Variants in SIRT4 observed in about 807,000 individuals in gnomAD.
SIRT4 encodes sirtuin 4, also known as NAD-dependent protein lipoamidase sirtuin-4, mitochondrial.
A neutral mutation model predicts 26.1 loss-of-function variants in SIRT4; 23 were observed. The observed-to-expected ratio is 0.88, with a 90% CI of 0.63 to 1.25. The LOEUF (loss-of-function observed/expected upper bound fraction) is 1.25. Among genes scored for constraint, SIRT4 ranks in the 50% most tolerant of loss-of-function variants. The pLI is 0.00. For synonymous variants in SIRT4, 155 were observed against 158.4 expected (o/e 0.98, Z 0.16); for missense variants, 361 against 405.4 (o/e 0.89, Z 0.94).
chr12:120,294,591 G>A, the SIRT4 span, among the ~76,000 whole-genome samples: 123 of 152,192 alleles, frequency 8.1e-4, no homozygotes, highest in African/African-American at 2.8e-3. Flanking sequence ...TTTTGGCTCT[G>A]TCGCCCAGGC....
chr12:120,301,880 C>A (rs140691657), upstream of SIRT4, among the ~76,000 whole-genome samples: 2 of 152,104 alleles, frequency 1.3e-5, no homozygotes, highest in Admixed American at 1.3e-4. Flanking sequence ...TCAAGACGAG[C>A]CTGGCCAACA....
chr12:120,297,146 C>T, the SIRT4 span, among the ~76,000 whole-genome samples: 1 of 151,848 alleles, frequency 6.6e-6, no homozygotes, highest in African/African-American at 2.4e-5. Context: ...TCACTTGAAC[C>T]CGGTAGGCGG....
chr12:120,303,705 G>A lies in SIRT4; in HGVS notation c.144G>A (p.Gln48=), dbSNP rs903042992. 4.3e-6 allele frequency: 7 copies of A among 1,614,026 alleles called. No homozygotes were observed. The highest frequency in any genetic ancestry group is 4.0e-5 in the African/African-American group (3 of 74,902). The change falls in exon 2 of 4, where the codon CAG becomes CAA. Residue 48 remains glutamine, a synonymous_variant. Transcript: ENST00000202967. The part of the protein sequence containing the change: ...PLDPEKVKEL[Q]RFITLSKRLL... Reference sequence around the variant, plus strand: ...ACCCTGAGAAGGTCAAAGAGTTACAGCGCTTCATCACCCTTTCCAAGAGAC... The same window carrying A: ...ACCCTGAGAAGGTCAAAGAGTTACAACGCTTCATCACCCTTTCCAAGAGAC...
chr12:120,298,696 C>T (rs1872425713), upstream of SIRT4, among the ~76,000 whole-genome samples: 1 of 151,134 alleles, frequency 6.6e-6, no homozygotes, highest in Non-Finnish European at 1.5e-5. Flanking sequence ...ATCGCGAGGT[C>T]AGGAGTTCGA....
Position 120,312,942 on chromosome 12 carries a change from T to C in SIRT4, c.851T>C (p.Ile284Thr). 6.2e-7 allele frequency: 1 copy of C among 1,614,202 alleles called. No homozygotes were observed. Among genetic ancestry groups the C allele is most frequent in the Non-Finnish European group, 8.5e-7 (1 of 1,180,038 alleles). Reference sequence around the variant, plus strand: ...TGGGAGAAGAAGCTCCCGATTGCAATACTGAACATTGGGCCCACACGGTCG... The same window carrying C: ...TGGGAGAAGAAGCTCCCGATTGCAACACTGAACATTGGGCCCACACGGTCG... ...TAWEKKLPIA[I>T]LNIGPTRSDD... Residue 284 changes from isoleucine to threonine, a missense_variant, in exon 4 of 4, where the codon ATA (isoleucine) becomes ACA (threonine). By Grantham distance (89) the Ile-to-Thr change is moderately conservative (BLOSUM62 -1). Coordinates refer to ENST00000202967, the MANE Select transcript of SIRT4 (RefSeq NM_012240.3).
intron 2 of SIRT4, among the ~76,000 whole-genome samples, chr12:120,312,053 A>T (rs928575991): frequency 3.8e-4 from 57 of 151,864 alleles, no homozygotes; most frequent in African/African-American, 1.3e-3. Flanking sequence ...GAGGCCAAGG[A>T]GGGAGGATCA....
chr12:120,297,603 G>A (rs991720868), upstream of SIRT4, among the ~76,000 whole-genome samples: 24 of 152,022 alleles, frequency 1.6e-4, no homozygotes, highest in Non-Finnish European at 5.9e-5. Context: ...CACCGTCCAG[G>A]GATGATTTTC....
At chr12:120,303,342 T>C (rs1433303979) in intron 1 of SIRT4, among the ~76,000 whole-genome samples, 1 of 151,582 alleles carries the variant, frequency 6.6e-6, no homozygotes, top group Non-Finnish European at 1.5e-5. Flanking sequence ...TAGCCGGGCA[T>C]GGTGGCCATG....
chr12:120,311,832 T>G (rs572132677), intron 2 of SIRT4, among the ~76,000 whole-genome samples: 4 of 145,622 alleles, frequency 2.7e-5, no homozygotes, highest in Non-Finnish European at 4.5e-5. Flanking sequence ...TTAGAAGGAA[T>G]GGTAATAGAC....
chr12:120,306,802 C>T (rs939927149), intron 2 of SIRT4, among the ~76,000 whole-genome samples: 8 of 151,820 alleles, frequency 5.3e-5, no homozygotes, highest in African/African-American at 1.7e-4. Flanking sequence ...GACTCTATCT[C>T]AATAAAAAAA....
the SIRT4 span, among the ~76,000 whole-genome samples, chr12:120,293,736 C>T: frequency 1.3e-5 from 2 of 151,942 alleles, no homozygotes; most frequent in Non-Finnish European, 2.9e-5. Context: ...TCTTTCATGC[C>T]CAAGGGTGGA....
upstream of SIRT4, among the ~76,000 whole-genome samples, chr12:120,297,793 A>T (rs1300305382): frequency 6.6e-6 from 1 of 152,190 alleles, no homozygotes; most frequent in African/African-American, 2.4e-5. Flanking sequence ...TGAATGGGGA[A>T]GGAGAATGTC....
At chr12:120,301,281 G>C (rs1283541744), upstream of SIRT4, among the ~76,000 whole-genome samples, 2 of 152,134 alleles carry the variant, frequency 1.3e-5, no homozygotes, top group Non-Finnish European at 2.9e-5. Flanking sequence ...GGAGGCGGAG[G>C]TTGCAGTGAG....
At chr12:120,306,557 T>G (rs1872753583) in intron 2 of SIRT4, among the ~76,000 whole-genome samples, 1 of 151,250 alleles carries the variant, frequency 6.6e-6, no homozygotes, top group Non-Finnish European at 1.5e-5. Context: ...ATCCCAGCAC[T>G]TTGGGAGGCA....
chr12:120,308,650 C>T (rs188979427), intron 2 of SIRT4, among the ~76,000 whole-genome samples: 1 of 152,234 alleles, frequency 6.6e-6, no homozygotes, highest in Non-Finnish European at 1.5e-5. Flanking sequence ...GAAAGTTAGG[C>T]CCAAATCATG....
At chr12:120,294,037 CT>C in the SIRT4 span, among the ~76,000 whole-genome samples, 1 of 33,868 alleles carries the variant, frequency 3.0e-5, no homozygotes, top group East Asian at 1.3e-3. Context: ...AGTTTTTGCT[CT>C]TGTTGCCCAG....
chr12:120,294,903 T>C, the SIRT4 span, among the ~76,000 whole-genome samples: 1 of 150,180 alleles, frequency 6.7e-6, no homozygotes, highest in East Asian at 2.0e-4. Context: ...TCTCAGCCCA[T>C]GCAACCTCCG....
chr12:120,311,679 G>A (rs928669773), intron 2 of SIRT4, among the ~76,000 whole-genome samples: 3 of 146,988 alleles, frequency 2.0e-5, no homozygotes, highest in Non-Finnish European at 4.5e-5. Context: ...AGGTTGCGGT[G>A]AGCCAAGATC....
chr12:120,307,341 T>TGGCCA (rs971460143), intron 2 of SIRT4, among the ~76,000 whole-genome samples: 1 of 151,816 alleles, frequency 6.6e-6, no homozygotes, highest in Non-Finnish European at 1.5e-5. Context: ...AATAAAAGAT[T>TGGCCA]GGCCAGGCGT....
Sources: gnomAD v4.1 joint callset for allele counts (sites outside exome capture counted in the v4.1 genomes callset) on GRCh38, gnomAD v4.1.1 for gene constraint, MANE v1.5 for transcripts, NCBI Gene and HGNC (gene_info 2026-07-23, HGNC 2026-07-21) for gene names.